Variants in KAT6B observed in about 807,000 individuals in gnomAD.
KAT6B encodes histone acetyltransferase KAT6B.
KAT6B carries 10 observed loss-of-function variants against 187.5 expected under a neutral mutation model. That is an observed-to-expected ratio of 0.05 (90% confidence interval 0.03 to 0.09). The LOEUF is 0.09. Among genes scored for constraint, KAT6B ranks in the 10% least tolerant of loss-of-function variants. The probability of loss-of-function intolerance (pLI) is 1.00; values close to 1 mark genes in which losing one functional copy is unlikely to be tolerated. For synonymous variants in KAT6B, 861 were observed against 926.8 expected (o/e 0.93, Z 1.29); for missense variants, 1,952 against 2,558.9 (o/e 0.76, Z 5.12).
rs1192307315 is a variant in KAT6B, at chr10:75,029,646, G to A, written c.4822G>A (p.Gly1608Ser). The A allele has an allele frequency of 3.1e-6, 5 of 1,614,026 alleles. No homozygotes were observed. Among genetic ancestry groups the A allele is most frequent in the Non-Finnish European group, 4.2e-6 (5 of 1,180,022 alleles). The change falls in exon 18 of 18, where the codon GGC (glycine) becomes AGC (serine). Residue 1608 changes from glycine (G) to serine (S), a missense_variant. Physicochemically the swap from Gly to Ser is moderately conservative, Grantham distance 56 (BLOSUM62 0). Transcript: ENST00000287239. This position sits in a 1 kb window ranked among gnomAD's most constrained non-coding sequence, Gnocchi z 6.2. ...AGTTTCATCCGTCCACTCCCATCCT[G>A]GCCAGTCCGTACGTTCTGTCAACAG... ...SPVSSVHSHP[G>S]QSVRSVNSPS...
intron 3 of KAT6B, among the ~76,000 whole-genome samples, chr10:74,852,210 C>T (rs1158899535): frequency 6.6e-6 from 1 of 152,144 alleles, no homozygotes; most frequent in Non-Finnish European, 1.5e-5. Flanking sequence ...CTTTGTGTTG[C>T]AGATGTCATC....
At chr10:75,001,203 G>A (rs1462072209) in intron 13 of KAT6B, among the ~76,000 whole-genome samples, 2 of 152,014 alleles carry the variant, frequency 1.3e-5, no homozygotes, top group Non-Finnish European at 2.9e-5. Flanking sequence ...CTGCACCGTC[G>A]TTCTTTCCTC....
At chr10:74,923,356 A>T (rs775070658) in intron 3 of KAT6B, among the ~76,000 whole-genome samples, 1 of 152,328 alleles carries the variant, frequency 6.6e-6, no homozygotes. Context: ...AGGGAGCAAA[A>T]CAGACAAGTC....
chr10:74,843,107 A>C lies in KAT6B; in HGVS notation c.250A>C (p.Lys84Gln). The change falls in exon 3 of 18, where the codon AAA (lysine) becomes CAA (glutamine). Residue 84 changes from lysine (K) to glutamine (Q), a missense_variant. Lys to Gln is a moderately conservative substitution (Grantham distance 53, BLOSUM62 1). Transcript: ENST00000287239. ...PDNPGRFSSV[K>Q]PGTFPKSAKG... ...CAACCCTGGGCGCTTTTCATCAGTT[A>C]AACCAGGCACTTTTCCTAAGTCAGC... The C allele has an allele frequency of 6.2e-7, 1 of 1,614,216 alleles. No homozygotes were observed. Among genetic ancestry groups the C allele is most frequent in the Non-Finnish European group, 8.5e-7 (1 of 1,180,048 alleles).
At chr10:74,942,207 T>G (rs1332598672) in intron 3 of KAT6B, among the ~76,000 whole-genome samples, 2 of 151,980 alleles carry the variant, frequency 1.3e-5, no homozygotes, top group African/African-American at 2.4e-5. Context: ...TATGGAACAT[T>G]CCTCATGAAC....
In KAT6B at chr10:74,954,778, T is replaced by G. The variant is rs143808212; in HGVS notation, c.622-5192T>G. Among the ~76,000 whole-genome samples, 392 of 152,328 alleles carry G rather than the reference T, an allele frequency of 2.6e-3. 3 individuals carry two copies. The highest frequency in any genetic ancestry group is 3.7e-3 in the Non-Finnish European group (250 of 68,026). ...TTTAAATGTCTATTAATCTAGCGAT[T>G]CTTCTGTATCTATTTTTTGCTCGCC... is the stretch of plus-strand genomic sequence containing the variant. On this transcript the variant is annotated intron_variant, in intron 3 of 17. Coordinates refer to ENST00000287239, the MANE Select transcript of KAT6B (RefSeq NM_012330.4).
chr10:74,977,360 A>T lies in KAT6B; in HGVS notation c.2038A>T (p.Asn680Tyr), dbSNP rs1842227586. Residue 680 changes from asparagine (N) to tyrosine (Y), a missense_variant, in exon 9 of 18, where the codon AAT becomes TAT. Asn to Tyr is a moderately radical substitution (Grantham distance 143). Around this residue, in one of 9 missense-constraint regions of KAT6B, gnomAD observed 417 missense variants for 508.9 expected, o/e 0.82. Coordinates refer to ENST00000287239, the MANE Select transcript of KAT6B (RefSeq NM_012330.4). ...CATCAAACAAGAAAGTGCAGATGTA[A>T]ATGTGATTGGAAACAAGGATGTCGT... ...INIKQESADV[N>Y]VIGNKDVVTE... 2 of 1,613,772 alleles carry T rather than the reference A, an allele frequency of 1.2e-6. No individual in the cohort carries two copies. Among genetic ancestry groups the T allele is most frequent in the Non-Finnish European group, 1.7e-6 (2 of 1,179,720 alleles).
At chr10:74,972,712 A>G (rs1005235526) in intron 7 of KAT6B, 73 bp downstream of exon 7, 21 of 1,384,556 alleles carry the variant, frequency 1.5e-5, no homozygotes, top group Non-Finnish European at 2.0e-5. Context: ...ATTCTCTCAG[A>G]TTCCTTTAGG....
At chr10:74,838,918 G>A (rs1408075916) in intron 2 of KAT6B, among the ~76,000 whole-genome samples, 166 bp downstream of exon 2, 2 of 152,156 alleles carry the variant, frequency 1.3e-5, no homozygotes, top group Non-Finnish European at 2.9e-5. Flanking sequence ...ACTTTGGGAG[G>A]CCGAAGTGGG....
At chr10:74,877,704 G>A (rs536076978) in intron 3 of KAT6B, among the ~76,000 whole-genome samples, 2 of 152,188 alleles carry the variant, frequency 1.3e-5, no homozygotes, top group Non-Finnish European at 2.9e-5. Context: ...TGGATGCTAA[G>A]GAGAAAAGAA....
intron 6 of KAT6B, among the ~76,000 whole-genome samples, chr10:74,971,069 C>T (rs1841820361): frequency 1.3e-5 from 2 of 152,140 alleles, no homozygotes; most frequent in South Asian, 4.1e-4. Flanking sequence ...AATCTCACTA[C>T]TCCCTGCTGT....
Position 74,843,133 on chromosome 10 carries a change from C to T in KAT6B, c.276C>T (p.Ala92=). The T allele has an allele frequency of 6.2e-7, 1 of 1,614,190 alleles. No individual in the cohort carries two copies. The highest frequency in any genetic ancestry group is 8.5e-7 in the Non-Finnish European group (1 of 1,180,040). ...AACCAGGCACTTTTCCTAAGTCAGC[C>T]AAGGGGTCTAGAGGATCATGTAATG... The part of the protein sequence containing the change: ...SVKPGTFPKS[A]KGSRGSCNDL... The change falls in exon 3 of 18, where the codon GCC becomes GCT. Residue 92 remains alanine, a synonymous_variant. Coordinates refer to ENST00000287239, the MANE Select transcript of KAT6B (RefSeq NM_012330.4).
At chr10:74,882,592 GT>G (rs1272495075) in intron 3 of KAT6B, among the ~76,000 whole-genome samples, 1 of 152,172 alleles carries the variant, frequency 6.6e-6, no homozygotes, top group Non-Finnish European at 1.5e-5. Context: ...CATGGGCCAC[GT>G]TTTTCCAGAC....
chr10:74,965,959 T>C (rs1231354025), intron 4 of KAT6B, among the ~76,000 whole-genome samples: 1 of 151,682 alleles, frequency 6.6e-6, no homozygotes, highest in Non-Finnish European at 1.5e-5. Flanking sequence ...ATGGTCCTGA[T>C]CTCCTGACCT....
At chr10:74,870,784 T>C (rs1843877091) in intron 3 of KAT6B, among the ~76,000 whole-genome samples, 1 of 151,640 alleles carries the variant, frequency 6.6e-6, no homozygotes, top group South Asian at 2.1e-4. Context: ...TCCATGTTGG[T>C]CAGGCTGGCC....
chr10:74,926,956 T>A (rs1335840235), intron 3 of KAT6B, among the ~76,000 whole-genome samples: 2 of 152,202 alleles, frequency 1.3e-5, no homozygotes, highest in Non-Finnish European at 2.9e-5. Context: ...GGATCAAATG[T>A]AATAATGATG....
At chr10:74,933,354 T>G (rs1849015888) in intron 3 of KAT6B, among the ~76,000 whole-genome samples, 1 of 152,222 alleles carries the variant, frequency 6.6e-6, no homozygotes, top group Admixed American at 6.5e-5. Context: ...TAACATTGTT[T>G]GGGTGGTTCT....
intron 3 of KAT6B, among the ~76,000 whole-genome samples, chr10:74,854,216 G>C (rs1382408324): frequency 1.3e-5 from 2 of 152,194 alleles, no homozygotes; most frequent in African/African-American, 4.8e-5. Context: ...TGAGTTAGCA[G>C]GGCCAAGAGG....
At chr10:75,002,672 C>T (rs1221523586) in intron 13 of KAT6B, among the ~76,000 whole-genome samples, 1 of 152,110 alleles carries the variant, frequency 6.6e-6, no homozygotes. Context: ...GTGGTTGTAA[C>T]ATAATGGTAT....
Sources: allele counts gnomAD v4.1 joint callset (sites outside exome capture counted in the v4.1 genomes callset), GRCh38; gene constraint gnomAD v4.1.1; regional missense constraint gnomAD v4.1.1; non-coding constraint Gnocchi (gnomAD v3.1); transcripts MANE v1.5; gene names NCBI Gene and HGNC (gene_info 2026-07-23, HGNC 2026-07-21).